ROBO2: variants seen among roughly 807,000 people sequenced by gnomAD.
ROBO2 encodes roundabout guidance receptor 2.
In ROBO2, 53 loss-of-function variants were observed where a neutral mutation model predicts 160.8. The observed-to-expected ratio is 0.33, with a 90% CI of 0.26 to 0.41. ROBO2 has a LOEUF of 0.41. Among genes scored for constraint, ROBO2 ranks in the 10% least tolerant of loss-of-function variants. The probability of loss-of-function intolerance (pLI) is 1.00; values close to 1 mark genes in which losing one functional copy is unlikely to be tolerated. For missense variants in ROBO2, 1,577 were observed against 1,722.4 expected (o/e 0.92, Z 1.49); for synonymous variants, 664 against 611.7 (o/e 1.09, Z -1.26).
intron 2 of ROBO2, among the ~76,000 whole-genome samples, chr3:77,213,059 G>T (rs930216821): frequency 2.0e-5 from 3 of 151,900 alleles, no homozygotes; most frequent in Non-Finnish European, 4.4e-5. Context: ...TGTCTCTGCC[G>T]GGCTTTGGTA....
At chr3:76,598,919 G>C (rs750646823) in intron 2 of ROBO2, among the ~76,000 whole-genome samples, 2 of 152,042 alleles carry the variant, frequency 1.3e-5, no homozygotes, top group Non-Finnish European at 2.9e-5. Flanking sequence ...AACCTTGTTT[G>C]GAACACAGCA....
intron 2 of ROBO2, among the ~76,000 whole-genome samples, chr3:76,450,024 T>C (rs933769145): frequency 6.6e-6 from 1 of 152,190 alleles, no homozygotes; most frequent in Non-Finnish European, 1.5e-5. Flanking sequence ...TTTATCGAAA[T>C]AATCTTCATC....
intron 1 of ROBO2, among the ~76,000 whole-genome samples, chr3:77,091,583 AG>A (rs2070265403): frequency 6.6e-6 from 1 of 152,126 alleles, no homozygotes; most frequent in Non-Finnish European, 1.5e-5. Context: ...TGCTACATCT[AG>A]CCAGGTCTAA....
intron 2 of ROBO2, among the ~76,000 whole-genome samples, chr3:76,693,004 ATGTATATACACATATGTG>A: frequency 6.7e-6 from 1 of 149,536 alleles, no homozygotes; most frequent in South Asian, 2.1e-4. Context: ...GTATATATGT[ATGTATATACACATATGTG>A]TATATACATA....
At chr3:77,619,254 T>C (rs2094848797) in intron 22 of ROBO2, among the ~76,000 whole-genome samples, 1 of 152,128 alleles carries the variant, frequency 6.6e-6, no homozygotes, top group Non-Finnish European at 1.5e-5. Context: ...TTAGCTCATA[T>C]AGGAAATTAG....
At chr3:77,024,542 C>T (rs1302619882) in intron 2 of ROBO2, among the ~76,000 whole-genome samples, 1 of 152,022 alleles carries the variant, frequency 6.6e-6, no homozygotes, top group African/African-American at 2.4e-5. Flanking sequence ...GAATGGTGTA[C>T]TTAATGTTAA....
intron 2 of ROBO2, among the ~76,000 whole-genome samples, chr3:76,798,612 C>T (rs1478714326): frequency 6.6e-6 from 1 of 152,128 alleles, no homozygotes; most frequent in Admixed American, 6.5e-5. Flanking sequence ...GGATATAAGG[C>T]TAGGTGCAGT....
chr3:76,674,384 C>T (rs2092350591), intron 2 of ROBO2, among the ~76,000 whole-genome samples: 1 of 151,924 alleles, frequency 6.6e-6, no homozygotes, highest in Non-Finnish European at 1.5e-5. Flanking sequence ...GTGCTGGGCA[C>T]CAGGTCACTG....
intron 2 of ROBO2, among the ~76,000 whole-genome samples, chr3:76,690,537 C>T (rs2092779149): frequency 6.6e-6 from 1 of 151,974 alleles, no homozygotes; most frequent in African/African-American, 2.4e-5. Flanking sequence ...CTTCCCAGCC[C>T]CAGAACTGTA....
At chr3:77,327,119 A>G (rs1395481087) in intron 2 of ROBO2, among the ~76,000 whole-genome samples, 4 of 152,312 alleles carry the variant, frequency 2.6e-5, no homozygotes, top group African/African-American at 7.2e-5. Context: ...TATCATAGAA[A>G]TGTTGTTCTA....
At chr3:76,836,860 G>T (rs962214977) in intron 2 of ROBO2, among the ~76,000 whole-genome samples, 3 of 151,842 alleles carry the variant, frequency 2.0e-5, no homozygotes, top group Admixed American at 6.6e-5. Flanking sequence ...TTCTTCTGCT[G>T]TTGGGTGGAG....
chr3:76,354,097 C>A (rs1014713083), intron 2 of ROBO2, among the ~76,000 whole-genome samples: 4 of 151,914 alleles, frequency 2.6e-5, no homozygotes, highest in Non-Finnish European at 5.9e-5. Flanking sequence ...GCAAAGCATA[C>A]TCCCAATTCA....
intron 2 of ROBO2, among the ~76,000 whole-genome samples, chr3:76,458,172 CTT>C (rs2077881272): frequency 6.6e-6 from 1 of 152,162 alleles, no homozygotes; most frequent in Non-Finnish European, 1.5e-5. Context: ...ATTTTCCAAA[CTT>C]TTATGCTTAC....
At chr3:76,893,139 G>C (rs559085517) in intron 2 of ROBO2, among the ~76,000 whole-genome samples, 1 of 151,794 alleles carries the variant, frequency 6.6e-6, no homozygotes, top group Non-Finnish European at 1.5e-5. Flanking sequence ...CAAAATATAC[G>C]GTACGCATTA....
chr3:76,007,208 TTAGA>T (rs1285829840), intron 2 of ROBO2, among the ~76,000 whole-genome samples: 1 of 152,128 alleles, frequency 6.6e-6, no homozygotes, highest in Non-Finnish European at 1.5e-5. Context: ...AAAATCATTC[TTAGA>T]TAAGTTAAAA....
At chr3:75,926,325 A>G (rs1947290966) in intron 1 of ROBO2, among the ~76,000 whole-genome samples, 3 of 152,154 alleles carry the variant, frequency 2.0e-5, no homozygotes, top group Non-Finnish European at 4.4e-5. Context: ...GGTTGGTTGT[A>G]TGGTTTATTT....
intron 2 of ROBO2, among the ~76,000 whole-genome samples, chr3:76,518,872 G>A (rs1304269929): frequency 6.6e-6 from 1 of 152,150 alleles, no homozygotes; most frequent in Non-Finnish European, 1.5e-5. Flanking sequence ...AGGGATCAGA[G>A]ATGAATAACA....
At chr3:76,161,393 T>C (rs1291615255) in intron 2 of ROBO2, among the ~76,000 whole-genome samples, 2 of 152,202 alleles carry the variant, frequency 1.3e-5, no homozygotes, top group Non-Finnish European at 2.9e-5. Context: ...CATTTATATA[T>C]GGATTTAAGA....
intron 2 of ROBO2, among the ~76,000 whole-genome samples, chr3:76,905,682 C>A (rs2075554285): frequency 6.6e-6 from 1 of 152,124 alleles, no homozygotes; most frequent in Non-Finnish European, 1.5e-5. Flanking sequence ...AAAATTATAA[C>A]TCATATGTAA....
Sources: allele counts gnomAD v4.1 joint callset (sites outside exome capture counted in the v4.1 genomes callset), GRCh38; gene constraint gnomAD v4.1.1; transcripts MANE v1.5; gene names NCBI Gene and HGNC (gene_info 2026-07-23, HGNC 2026-07-21).